Variants in SATB2 observed in about 807,000 individuals in gnomAD.
The protein encoded by SATB2 is DNA-binding protein SATB2.
In SATB2, 1 loss-of-function variant was observed where a neutral mutation model predicts 73.4. The ratio of observed to expected loss-of-function variants is 0.01; its 90% CI spans 0.00 to 0.06. The LOEUF is 0.06. Among genes scored for constraint, SATB2 ranks in the 10% least tolerant of loss-of-function variants. SATB2 has a pLI of 1.00. For missense variants in SATB2, 459 were observed against 945.8 expected (o/e 0.49, Z 6.75); for synonymous variants, 397 against 367.0 (o/e 1.08, Z -0.93).
At chr2:199,397,680 G>T in intron 3 of SATB2, 1 of 276,882 alleles carries the variant, frequency 3.6e-6, no homozygotes, top group Non-Finnish European at 7.4e-6. Context: ...CTTGAGGTCA[G>T]GAGTTCCAGA....
intron 6 of SATB2, among the ~76,000 whole-genome samples, chr2:199,361,860 C>A (rs140119852): frequency 1.3e-5 from 2 of 151,028 alleles, no homozygotes; most frequent in Admixed American, 6.6e-5. Context: ...TGGGTTCAAG[C>A]GATTCTCCTG....
chr2:199,314,012 TC>T (rs1235461036), intron 9 of SATB2, among the ~76,000 whole-genome samples: 2 of 152,168 alleles, frequency 1.3e-5, no homozygotes, highest in Non-Finnish European at 2.9e-5. Context: ...CAACTTCTTT[TC>T]CCCATGAGAA....
intron 10 of SATB2, among the ~76,000 whole-genome samples, chr2:199,306,500 A>G (rs1687437224): frequency 1.3e-5 from 2 of 152,236 alleles, no homozygotes; most frequent in South Asian, 4.1e-4. Flanking sequence ...CTTTTATAAA[A>G]TAAGTGCATT....
Position 199,348,109 on chromosome 2 carries a change from A to G in SATB2, c.1173+592T>C, listed in dbSNP as rs563118433. On this transcript the variant is annotated intron_variant, in intron 7 of 10. Coordinates refer to ENST00000417098, the MANE Select transcript of SATB2 (RefSeq NM_001172509.2). The stretch of plus-strand genomic sequence containing the variant: ...TGTGAATTAACTGTTTACATTTTCA[A>G]CATTTAGTGTTATAATTGGCATATA... 5 of 152,460 alleles carry G rather than the reference A, an allele frequency of 3.3e-5. No homozygotes were observed. In the East Asian group the frequency reaches 9.6e-4, roughly 29 times the overall value. The allele number at this position is 152,460 out of a possible 1,614,324, so 9.4% of individuals were successfully genotyped here.
intron 3 of SATB2, 117 bp downstream of exon 3, chr2:199,433,221 T>C: frequency 9.4e-7 from 1 of 1,058,622 alleles, no homozygotes; most frequent in East Asian, 2.6e-5. Context: ...CACTAGGAAA[T>C]GCTAAATCTG....
At chr2:199,450,153 C>T (rs1371509922) in intron 2 of SATB2, among the ~76,000 whole-genome samples, 1 of 151,978 alleles carries the variant, frequency 6.6e-6, no homozygotes, top group Non-Finnish European at 1.5e-5. Context: ...TTTCCGTTCA[C>T]AAAATCTAAA....
chr2:199,400,635 T>G (rs1250337505), intron 3 of SATB2, among the ~76,000 whole-genome samples: 11 of 152,242 alleles, frequency 7.2e-5, no homozygotes, highest in Admixed American at 7.2e-4. Flanking sequence ...ATGAAGAGTC[T>G]ATTTGTGGCA....
At chr2:199,436,931 G>C (rs1691670324) in intron 2 of SATB2, among the ~76,000 whole-genome samples, 1 of 151,818 alleles carries the variant, frequency 6.6e-6, no homozygotes, top group African/African-American at 2.4e-5. Flanking sequence ...AAAAAAGAGA[G>C]AGAAAAGTGA....
intron 2 of SATB2, among the ~76,000 whole-genome samples, chr2:199,446,730 C>G (rs1240536786): frequency 1.3e-5 from 2 of 152,122 alleles, no homozygotes; most frequent in African/African-American, 4.8e-5. Flanking sequence ...TAACTAGGCT[C>G]TATGGATTAA....
chr2:199,383,085 A>C (rs1689826721), intron 3 of SATB2, among the ~76,000 whole-genome samples: 1 of 152,158 alleles, frequency 6.6e-6, no homozygotes, highest in African/African-American at 2.4e-5. Flanking sequence ...GAATAAACAG[A>C]ACAAAAATAT....
intron 3 of SATB2, among the ~76,000 whole-genome samples, chr2:199,424,103 A>C (rs1691256666): frequency 6.6e-6 from 1 of 152,212 alleles, no homozygotes; most frequent in African/African-American, 2.4e-5. Flanking sequence ...AGACAGATAG[A>C]GGAAGAACCT....
chr2:199,405,357 G>A (rs1396098423), intron 3 of SATB2, among the ~76,000 whole-genome samples: 1 of 152,154 alleles, frequency 6.6e-6, no homozygotes, highest in African/African-American at 2.4e-5. Flanking sequence ...TTGGGGACAT[G>A]AGACTCCCCC....
At chr2:199,398,165 T>G (rs1053989277) in intron 3 of SATB2, among the ~76,000 whole-genome samples, 1 of 151,618 alleles carries the variant, frequency 6.6e-6, no homozygotes, top group East Asian at 1.9e-4. Flanking sequence ...AACAGACACA[T>G]GTTTTCCAGA....
At chr2:199,332,340 C>G (rs1688212760) in intron 7 of SATB2, among the ~76,000 whole-genome samples, 1 of 152,038 alleles carries the variant, frequency 6.6e-6, no homozygotes, top group South Asian at 2.1e-4. Context: ...GAGATACCCT[C>G]CAAAATAATT....
chr2:199,348,697 G>T lies in SATB2; in HGVS notation c.1173+4C>A, dbSNP rs376920785. On this transcript the variant is annotated splice_donor_region_variant and intron_variant, in intron 7 of 10. Coordinates refer to ENST00000417098, the MANE Select transcript of SATB2 (RefSeq NM_001172509.2). ...TTAATTACAGTGTTTAATGCTAATT[G>T]TACCTGTGTGCGGTTGAATGCCACT... 155 of 1,567,504 alleles carry T rather than the reference G, an allele frequency of 9.9e-5. No individual in the cohort carries two copies. The highest frequency in any genetic ancestry group is 1.3e-4 in the Non-Finnish European group (148 of 1,155,864).
Position 199,272,101 on chromosome 2 carries a change from C to A in SATB2, c.*110G>T. The stretch of plus-strand genomic sequence containing the variant: ...AGACATAAAAAGACAAAAATAAAGC[C>A]AAAAAAACCCAAAAACAAAAACAAA... On this transcript the variant is annotated 3_prime_UTR_variant, in exon 11 of 11. Coordinates refer to ENST00000417098, the MANE Select transcript of SATB2 (RefSeq NM_001172509.2). The surrounding 1 kb of genome is among the most constrained non-coding windows in gnomAD (Gnocchi z 6.7). 1 of 1,115,180 alleles carries A rather than the reference C, an allele frequency of 9.0e-7. No individual in the cohort carries two copies. The highest frequency in any genetic ancestry group is 1.3e-6 in the Non-Finnish European group (1 of 745,230). 69.1% of individuals were successfully genotyped at this position (1,115,180 alleles called of 1,614,324 possible).
chr2:199,409,167 C>CTTTTTTTTTTT (rs67330007), intron 3 of SATB2, among the ~76,000 whole-genome samples: 30 of 115,210 alleles, frequency 2.6e-4, no homozygotes, highest in Non-Finnish European at 4.1e-4. Flanking sequence ...TTTTTCTTTT[C>CTTTTTTTTTTT]TTTTTTTTTT....
intron 3 of SATB2, among the ~76,000 whole-genome samples, chr2:199,425,824 C>T (rs564278962): frequency 8.4e-4 from 128 of 152,016 alleles, no homozygotes; most frequent in Middle Eastern, 3.4e-3. Context: ...ATTATTTTAC[C>T]GCTGGCATTT....
intron 1 of SATB2, among the ~76,000 whole-genome samples, 162 bp from the exon 2 acceptor site, chr2:199,456,258 C>G (rs1244185276): frequency 6.6e-6 from 1 of 152,268 alleles, no homozygotes; most frequent in East Asian, 1.9e-4. Flanking sequence ...CGGTCCCAAC[C>G]TTACACTGGG....
Sources: gnomAD v4.1 joint callset for allele counts (sites outside exome capture counted in the v4.1 genomes callset) on GRCh38, gnomAD v4.1.1 for gene constraint, Gnocchi (gnomAD v3.1) non-coding constraint, MANE v1.5 for transcripts, NCBI Gene and HGNC (gene_info 2026-07-23, HGNC 2026-07-21) for gene names.